Variants in BICC1 observed in about 807,000 individuals in gnomAD.
BICC1 encodes the protein BicC family RNA binding protein 1.
In BICC1, 43 loss-of-function variants were observed where a neutral mutation model predicts 111.0. The ratio of observed to expected loss-of-function variants is 0.39; its 90% CI spans 0.30 to 0.50. The LOEUF is 0.50. Ranked by LOEUF, BICC1 falls within the 20% of genes least tolerant of loss-of-function variation. BICC1 has a pLI of 0.88. For missense variants in BICC1, 1,091 were observed against 1,203.2 expected, an observed-to-expected ratio of 0.91 and a Z score of 1.38; for synonymous variants, 467 against 434.4, an observed-to-expected ratio of 1.07 and a Z score of -0.93.
intron 3 of BICC1, among the ~76,000 whole-genome samples, chr10:58,779,060 G>A (rs1213131740): frequency 6.6e-6 from 1 of 152,122 alleles, no homozygotes; most frequent in Non-Finnish European, 1.5e-5. Flanking sequence ...AAAATGTGAT[G>A]TTGGTATGTT....
At chr10:58,562,792 G>A (rs919330239) in intron 1 of BICC1, among the ~76,000 whole-genome samples, 6 of 151,972 alleles carry the variant, frequency 3.9e-5, no homozygotes, top group Non-Finnish European at 8.8e-5. Context: ...TGCTGGTTTG[G>A]TAGAGTGTTT....
intron 2 of BICC1, among the ~76,000 whole-genome samples, chr10:58,670,018 T>G (rs1460748787): frequency 1.3e-5 from 2 of 152,156 alleles, no homozygotes; most frequent in African/African-American, 4.8e-5. Context: ...GATCGTGCTT[T>G]TAAAGAAATG....
At chr10:58,725,431 T>C (rs2132537426) in intron 3 of BICC1, among the ~76,000 whole-genome samples, 1 of 152,310 alleles carries the variant, frequency 6.6e-6, no homozygotes, top group East Asian at 1.9e-4. Flanking sequence ...GTGGTCCTCA[T>C]TGTGCTTCTT....
At chr10:58,547,995 A>T (rs546196464) in intron 1 of BICC1, among the ~76,000 whole-genome samples, 2 of 152,206 alleles carry the variant, frequency 1.3e-5, no homozygotes, top group South Asian at 2.1e-4. Context: ...TGCTACTGGG[A>T]TGTGTTGCTT....
chr10:58,617,496 C>T (rs1201228533), intron 1 of BICC1, among the ~76,000 whole-genome samples: 1 of 152,226 alleles, frequency 6.6e-6, no homozygotes, highest in Non-Finnish European at 1.5e-5. Flanking sequence ...TGAGGCACCC[C>T]TCCATTCCTG....
At chr10:58,792,499 T>A (rs1480423045) in intron 8 of BICC1, among the ~76,000 whole-genome samples, 1 of 152,164 alleles carries the variant, frequency 6.6e-6, no homozygotes, top group Non-Finnish European at 1.5e-5. Context: ...GCTTCATCTG[T>A]ATTAACAGAG....
At chr10:58,680,491 A>G (rs530304969) in intron 2 of BICC1, among the ~76,000 whole-genome samples, 11 of 152,230 alleles carry the variant, frequency 7.2e-5, no homozygotes, top group Non-Finnish European at 1.5e-4. Flanking sequence ...CTCTTCAAGG[A>G]TAACTACAAA....
intron 1 of BICC1, among the ~76,000 whole-genome samples, chr10:58,546,163 T>C (rs914200528): frequency 2.6e-5 from 4 of 152,120 alleles, no homozygotes; most frequent in Non-Finnish European, 4.4e-5. Flanking sequence ...ACAGATACTG[T>C]TGGTCTGTCT....
intron 3 of BICC1, among the ~76,000 whole-genome samples, chr10:58,755,081 A>T (rs551216909): frequency 6.6e-6 from 1 of 152,154 alleles, no homozygotes; most frequent in Admixed American, 6.5e-5. Context: ...TGATGCTGAA[A>T]ATTTTGAAAA....
intron 3 of BICC1, among the ~76,000 whole-genome samples, chr10:58,706,178 C>T (rs1473001313): frequency 6.6e-6 from 1 of 152,086 alleles, no homozygotes; most frequent in Non-Finnish European, 1.5e-5. Context: ...TACCATACAC[C>T]CTTACCAACA....
At chr10:58,795,598 T>C (rs1449756646) in intron 9 of BICC1, among the ~76,000 whole-genome samples, 2 of 151,648 alleles carry the variant, frequency 1.3e-5, no homozygotes, top group Non-Finnish European at 2.9e-5. Context: ...CATTTAATTA[T>C]GCCCAGCTGG....
intron 3 of BICC1, among the ~76,000 whole-genome samples, chr10:58,752,990 T>C (rs1345823970): frequency 6.6e-6 from 1 of 152,130 alleles, no homozygotes; most frequent in Non-Finnish European, 1.5e-5. Context: ...GTCACAACTT[T>C]GTAGCTGCAT....
chr10:58,693,025 C>T (rs1382256393), intron 2 of BICC1, among the ~76,000 whole-genome samples: 1 of 152,090 alleles, frequency 6.6e-6, no homozygotes, highest in South Asian at 2.1e-4. Flanking sequence ...GCCCACCCCA[C>T]AACATTCCCG....
chr10:58,613,781 A>G (rs1270801033), intron 1 of BICC1, among the ~76,000 whole-genome samples: 1 of 152,136 alleles, frequency 6.6e-6, no homozygotes, highest in Non-Finnish European at 1.5e-5. Context: ...GGAGAACTGA[A>G]TTTTAACTTT....
intron 1 of BICC1, among the ~76,000 whole-genome samples, chr10:58,595,113 A>G (rs2132052397): frequency 1.3e-5 from 2 of 152,328 alleles, no homozygotes; most frequent in East Asian, 3.9e-4. Context: ...AGATCAAAAC[A>G]AAGAAGGCCA....
At chr10:58,613,705 A>G (rs1845510050) in intron 1 of BICC1, among the ~76,000 whole-genome samples, 1 of 152,208 alleles carries the variant, frequency 6.6e-6, no homozygotes, top group South Asian at 2.1e-4. Flanking sequence ...AGAATTGCTA[A>G]ATTAAATTTA....
At chr10:58,610,686 T>C (rs1845389693) in intron 1 of BICC1, among the ~76,000 whole-genome samples, 1 of 152,014 alleles carries the variant, frequency 6.6e-6, no homozygotes, top group Non-Finnish European at 1.5e-5. Context: ...TCGTGTTTCA[T>C]TTGATGTGAC....
At position 58,799,122 on chromosome 10, in the gene BICC1, T is replaced by C. The variant is rs1362306098; in HGVS notation, c.1595T>C (p.Leu532Ser). The C allele has an allele frequency of 1.9e-6, 3 of 1,613,992 alleles. No individual in the cohort carries two copies. The South Asian group carries it at 3.3e-5, about 18-fold the overall frequency. ...TAQATLTNILLSGVPTYGHTA... is the reference protein window; with the variant it reads ...TAQATLTNILSSGVPTYGHTA... ...CAAGCCACATTAACTAATATTTTGTTGTCTGGAGTGCCCACCTATGGGCAC... is the reference window on the plus strand; with the variant it reads ...CAAGCCACATTAACTAATATTTTGTCGTCTGGAGTGCCCACCTATGGGCAC... The change falls in exon 12 of 21, where the codon TTG (leucine) becomes TCG (serine). Residue 532 changes from leucine to serine, a missense_variant. Transcript: ENST00000373886.
At chr10:58,600,131 T>G (rs1844979477) in intron 1 of BICC1, among the ~76,000 whole-genome samples, 1 of 152,138 alleles carries the variant, frequency 6.6e-6, no homozygotes, top group Non-Finnish European at 1.5e-5. Context: ...TCTGCCCATG[T>G]GTGTTGGGGG....
Sources: allele counts gnomAD v4.1 joint callset (sites outside exome capture counted in the v4.1 genomes callset), GRCh38; gene constraint gnomAD v4.1.1; transcripts MANE v1.5; gene names NCBI Gene and HGNC (gene_info 2026-07-23, HGNC 2026-07-21).